The following EHBP1 variants were observed in gnomAD, a reference collection of about 807,000 sequenced individuals.
The protein encoded by EHBP1 is EH domain binding protein 1.
In EHBP1, 55 loss-of-function variants were observed where a neutral mutation model predicts 144.0. The ratio of observed to expected loss-of-function variants is 0.38; its 90% CI spans 0.31 to 0.48. The LOEUF (loss-of-function observed/expected upper bound fraction) is 0.48. Among genes scored for constraint, EHBP1 ranks in the 20% least tolerant of loss-of-function variants. The pLI, the probability that EHBP1 is intolerant of heterozygous loss-of-function variation, is 0.98. For synonymous variants in EHBP1, 469 were observed against 472.7 expected, an observed-to-expected ratio of 0.99 and a Z score of 0.10; for missense variants, 1,200 against 1,364.2, an observed-to-expected ratio of 0.88 and a Z score of 1.90.
chr2:62,975,136 A>G (rs1001268173), intron 14 of EHBP1, among the ~76,000 whole-genome samples: 6 of 152,188 alleles, frequency 3.9e-5, no homozygotes, highest in African/African-American at 1.4e-4. Context: ...AGAATGACTG[A>G]AGGCTGAATT....
intron 7 of EHBP1, among the ~76,000 whole-genome samples, chr2:62,848,742 T>C (rs1319081585): frequency 6.6e-6 from 1 of 152,190 alleles, no homozygotes; most frequent in Admixed American, 6.5e-5. Context: ...TAATAAACAT[T>C]AAAATAGTTA....
intron 7 of EHBP1, among the ~76,000 whole-genome samples, chr2:62,835,640 G>C (rs868449359): frequency 1.7e-4 from 26 of 152,240 alleles, no homozygotes; most frequent in Middle Eastern, 3.4e-3. Flanking sequence ...TGCGCGCACC[G>C]TGCGCGAGCC....
chr2:62,925,063 G>A (rs1438655901), intron 10 of EHBP1, among the ~76,000 whole-genome samples: 1 of 152,246 alleles, frequency 6.6e-6, no homozygotes, highest in African/African-American at 2.4e-5. Context: ...GTATACACAA[G>A]TCAATAAATG....
At chr2:62,909,496 T>C (rs539977053) in intron 10 of EHBP1, among the ~76,000 whole-genome samples, 63 of 152,292 alleles carry the variant, frequency 4.1e-4, no homozygotes, top group Non-Finnish European at 7.9e-4. Flanking sequence ...AGAGTCTTTA[T>C]GAGAAAACTG....
chr2:62,798,394 A>G (rs2043714624), intron 5 of EHBP1, among the ~76,000 whole-genome samples: 1 of 151,898 alleles, frequency 6.6e-6, no homozygotes. Context: ...AAATATCTGT[A>G]GAAATCTCAA....
At chr2:63,023,400 C>T (rs879436526) in intron 19 of EHBP1, among the ~76,000 whole-genome samples, 5 of 152,064 alleles carry the variant, frequency 3.3e-5, no homozygotes, top group South Asian at 4.1e-4. Flanking sequence ...TATACATAAA[C>T]GGTTATTTTC....
At chr2:62,685,970 C>T (rs905523449) in intron 1 of EHBP1, among the ~76,000 whole-genome samples, 1 of 152,084 alleles carries the variant, frequency 6.6e-6, no homozygotes, top group Non-Finnish European at 1.5e-5. Flanking sequence ...TTTAACTTTC[C>T]AATGGGAGAG....
At chr2:62,773,395 T>C (rs2041814498) in intron 5 of EHBP1, among the ~76,000 whole-genome samples, 1 of 152,154 alleles carries the variant, frequency 6.6e-6, no homozygotes, top group African/African-American at 2.4e-5. Flanking sequence ...CTTGCATAAG[T>C]AGATTTAACG....
intron 19 of EHBP1, among the ~76,000 whole-genome samples, chr2:63,035,881 A>C (rs2061423662): frequency 6.6e-6 from 1 of 152,046 alleles, no homozygotes; most frequent in Non-Finnish European, 1.5e-5. Flanking sequence ...CAGTGTCAAG[A>C]CATCACATGG....
intron 10 of EHBP1, among the ~76,000 whole-genome samples, chr2:62,881,419 A>G (rs1388609007): frequency 6.1e-5 from 5 of 82,248 alleles, no homozygotes; most frequent in African/African-American, 1.3e-4. Flanking sequence ...GGAAAAACGG[A>G]AAAAAAAAAA....
Position 62,949,016 on chromosome 2 carries a change from T to C in EHBP1, c.2170T>C (p.Ser724Pro), listed in dbSNP as rs1013663440. The C allele has an allele frequency of 1.2e-6, 2 of 1,613,708 alleles. No individual in the cohort carries two copies. The highest frequency in any genetic ancestry group is 2.7e-5 in the African/African-American group (2 of 74,878). ...ATCTCCTATCAAAAAAACAAGTTTA[T>C]CTCCTACTTCTAAACTTGGATACTC... ...PESPIKKTSL[S>P]PTSKLGYSYS... Residue 724 changes from serine to proline, a missense_variant, in exon 13 of 23, where the codon TCT becomes CCT. Ser to Pro is a moderately conservative substitution (Grantham distance 74). Around this residue, in one of 6 missense-constraint regions of EHBP1, gnomAD observed 543 missense variants for 513.1 expected, o/e 1.06. Coordinates refer to ENST00000431489, the MANE Select transcript of EHBP1 (RefSeq NM_001142616.3).
At chr2:62,899,379 G>T (rs1029434692) in intron 10 of EHBP1, among the ~76,000 whole-genome samples, 39 of 152,140 alleles carry the variant, frequency 2.6e-4, no homozygotes, top group Non-Finnish European at 1.6e-4. Context: ...ATAGAGAAAT[G>T]GGCAGTGCAC....
At chr2:62,691,600 A>T (rs913514852) in intron 1 of EHBP1, among the ~76,000 whole-genome samples, 2 of 152,054 alleles carry the variant, frequency 1.3e-5, no homozygotes, top group Non-Finnish European at 2.9e-5. Flanking sequence ...TTGCTTCTGA[A>T]CTCCTCCAGA....
rs1298627456 is a variant in EHBP1 at position 62,993,899 on chromosome 2, A to G, written c.2901A>G (p.Glu967=). The G allele has an allele frequency of 6.3e-7, 1 of 1,596,414 alleles. No homozygotes were observed. The highest frequency in any genetic ancestry group is 8.5e-7 in the Non-Finnish European group (1 of 1,170,096). ...TGAAAAGGCAGAGATCAATACAGGAAGATACAAAGAAAGGAAATGAGGAGA... is the reference window on the plus strand; with the variant it reads ...TGAAAAGGCAGAGATCAATACAGGAGGATACAAAGAAAGGAAATGAGGAGA... ...PEMKRQRSIQ[E]DTKKGNEEKA... is the part of the protein sequence containing the mutation. The change falls in exon 18 of 23, where the codon GAA becomes GAG. Residue 967 remains glutamate, a synonymous_variant. Transcript: ENST00000431489.
At chr2:62,777,441 G>A (rs1573294973) in intron 5 of EHBP1, among the ~76,000 whole-genome samples, 1 of 151,838 alleles carries the variant, frequency 6.6e-6, no homozygotes. Context: ...CAGACATTTG[G>A]TGGTTATTGA....
chr2:62,719,186 T>C (rs2035969612), intron 2 of EHBP1, among the ~76,000 whole-genome samples: 1 of 152,154 alleles, frequency 6.6e-6, no homozygotes, highest in South Asian at 2.1e-4. Flanking sequence ...AGGCTGGTCT[T>C]GAACACGGGT....
chr2:62,866,896 GA>G (rs1337231266), intron 9 of EHBP1, among the ~76,000 whole-genome samples: 1 of 152,072 alleles, frequency 6.6e-6, no homozygotes. Flanking sequence ...TCAAGCACAA[GA>G]AAAATGAAGA....
intron 15 of EHBP1, among the ~76,000 whole-genome samples, chr2:62,983,342 T>A (rs951998017): frequency 2.0e-5 from 3 of 152,250 alleles, no homozygotes; most frequent in East Asian, 3.9e-4. Flanking sequence ...AAATTTTTGT[T>A]AATGGTCTAT....
chr2:62,991,174 G>A (rs2059398226), intron 16 of EHBP1, among the ~76,000 whole-genome samples: 1 of 151,190 alleles, frequency 6.6e-6, no homozygotes, highest in African/African-American at 2.4e-5. Context: ...GAGCCCAGGA[G>A]TTCAAGGCTG....
Sources: allele counts gnomAD v4.1 joint callset (sites outside exome capture counted in the v4.1 genomes callset), GRCh38; gene constraint gnomAD v4.1.1; regional missense constraint gnomAD v4.1.1; transcripts MANE v1.5; gene names NCBI Gene and HGNC (gene_info 2026-07-23, HGNC 2026-07-21).